The following IMPDH1 variants were observed in gnomAD, a reference collection of about 807,000 sequenced individuals.
The protein encoded by IMPDH1 is inosine-5'-monophosphate dehydrogenase 1.
A neutral mutation model predicts 73.5 loss-of-function variants in IMPDH1; 41 were observed. The observed-to-expected ratio is 0.56, with a 90% CI of 0.43 to 0.72. IMPDH1 has a LOEUF of 0.72. Among genes scored for constraint, IMPDH1 ranks in the 30% least tolerant of loss-of-function variants. The probability of loss-of-function intolerance (pLI) is 0.00; values close to 1 mark genes in which losing one functional copy is unlikely to be tolerated. For missense variants in IMPDH1, 645 were observed against 824.8 expected (o/e 0.78, Z 2.67); for synonymous variants, 318 against 334.3 (o/e 0.95, Z 0.53).
Position 128,400,995 on chromosome 7 carries a change from C to G in IMPDH1, c.504+20G>C, listed in dbSNP as rs538997339. The G allele has an allele frequency of 8.3e-5, 134 of 1,607,076 alleles. No individual in the cohort carries two copies. The highest frequency in any genetic ancestry group is 1.1e-4 in the Non-Finnish European group (131 of 1,173,642). On this transcript the variant is annotated intron_variant, in intron 6 of 16. Transcript: ENST00000338791. ...CAGTTCCTGTGTGCCCTGGAGTCCC[C>G]ATGCAGGTGTGTAACTCACAGCCAT... is the stretch of plus-strand genomic sequence containing the variant.
rs779325084 is a variant in IMPDH1 at position 128,400,318 on chromosome 7, C to T, written c.786+15G>A. ...CTCTCTACACCCAGCCCTGCTTCCC[C>T]TGCCCTGCAGGTACCTCACTGAGGA... On this transcript the variant is annotated intron_variant, in intron 8 of 16. Coordinates refer to ENST00000338791, the MANE Select transcript of IMPDH1 (RefSeq NM_000883.4). 6.8e-6 allele frequency: 11 copies of T among 1,612,790 alleles called. No individual in the cohort carries two copies. In the South Asian group the frequency reaches 1.1e-4, roughly 16 times the overall value.
intron 8 of IMPDH1, 43 bp downstream of exon 8, chr7:128,400,290 G>A: frequency 1.9e-6 from 3 of 1,606,496 alleles, no homozygotes; most frequent in Non-Finnish European, 2.6e-6. Flanking sequence ...CAGCGTGAGG[G>A]TCCTCTCTAC....
intron 1 of IMPDH1, 104 bp downstream of exon 1, chr7:128,409,651 TG>T: frequency 6.6e-7 from 1 of 1,505,048 alleles, no homozygotes; most frequent in Non-Finnish European, 9.0e-7. Context: ...GAAGGGTTTG[TG>T]GGGCCTGCCC....
chr7:128,401,069 C>T lies in IMPDH1; in HGVS notation c.450G>A (p.Leu150=), dbSNP rs1042247. 2.5e-6 allele frequency: 4 copies of T among 1,614,028 alleles called. No homozygotes were observed. In the Admixed American group the frequency reaches 6.7e-5, roughly 27 times the overall value. The stretch of plus-strand genomic sequence containing the variant: ...TCACAGTGTCCATGGGGGAGGAGAT[C>T]AGTGGCGTCTTCAGCGTGATCTTCC... The part of the protein sequence containing the change: ...LTRKITLKTP[L]ISSPMDTVTE... The change falls in exon 6 of 17, where the codon CTG becomes CTA. Residue 150 remains leucine (L), a synonymous_variant. Transcript: ENST00000338791.
In IMPDH1 at chr7:128,395,006, G is replaced by A. The variant is rs564132747; in HGVS notation, c.1433C>T (p.Thr478Ile). 1.9e-6 allele frequency: 3 copies of A among 1,613,954 alleles called. No homozygotes were observed. The highest frequency in any genetic ancestry group is 2.5e-6 in the Non-Finnish European group (3 of 1,180,044). The change falls in exon 14 of 17, where the codon ACT (threonine) becomes ATT (isoleucine). Residue 478 changes from threonine (T) to isoleucine (I), a missense_variant. Physicochemically the swap from Thr to Ile is moderately conservative, Grantham distance 89. Around this residue, in one of 2 missense-constraint regions of IMPDH1, gnomAD observed 459 missense variants for 638.2 expected, o/e 0.72. Coordinates refer to ENST00000338791, the MANE Select transcript of IMPDH1 (RefSeq NM_000883.4). ...GAAGTACTCGCCAGGGGCCTCCGTAGTGGCGGCCAGCAGGGAGCCCATCAT... is the reference window on the plus strand; with the variant it reads ...GAAGTACTCGCCAGGGGCCTCCGTAATGGCGGCCAGCAGGGAGCCCATCAT... ...TVMMGSLLAA[T>I]TEAPGEYFFS...
At chr7:128,404,853 T>C (rs1049507006) in intron 4 of IMPDH1, among the ~76,000 whole-genome samples, 3 of 152,190 alleles carry the variant, frequency 2.0e-5, no homozygotes, top group East Asian at 1.9e-4. Flanking sequence ...CTGGGCCTCA[T>C]AGCATTTTCT....
intron 9 of IMPDH1, among the ~76,000 whole-genome samples, chr7:128,399,509 TCTACTAAAAA>T (rs1798164354): frequency 6.8e-6 from 1 of 147,884 alleles, no homozygotes; most frequent in African/African-American, 2.5e-5. Context: ...AAACCCCATC[TCTACTAAAAA>T]TACAAAAAAA....
intron 9 of IMPDH1, among the ~76,000 whole-genome samples, chr7:128,399,258 C>T (rs1289868116): frequency 2.0e-5 from 3 of 151,158 alleles, no homozygotes; most frequent in Non-Finnish European, 2.9e-5. Context: ...CCCAACTACT[C>T]GGGAGGCTGA....
rs752457836 is a variant in IMPDH1 at position 128,400,155 on chromosome 7, C to T, written c.814G>A (p.Val272Met). Residue 272 changes from valine (V) to methionine (M), a missense_variant, in exon 9 of 17, where the codon GTG (valine) becomes ATG (methionine). Val to Met is a conservative substitution (Grantham distance 21, BLOSUM62 1). This residue lies in a region of IMPDH1 where 459 missense variants were observed against 638.2 expected (regional missense o/e 0.72). Coordinates refer to ENST00000338791, the MANE Select transcript of IMPDH1 (RefSeq NM_000883.4). ...EVMTPRIELV[V>M]APAGVTLKEA... is the part of the protein sequence containing the mutation. ...TTCAACGTCACACCTGCTGGAGCCA[C>T]CACCAGTTCAATCCTTGGCGTCATC... 21 of 1,614,002 alleles carry T rather than the reference C, an allele frequency of 1.3e-5. No homozygotes were observed. Among genetic ancestry groups the T allele is most frequent in the Non-Finnish European group, 1.7e-5 (20 of 1,180,046 alleles).
Position 128,396,780 on chromosome 7 carries a change from ACCC to A in IMPDH1, c.1166-88_1166-86del, listed in dbSNP as rs565650720. 1 of 1,243,888 alleles carries A rather than the reference ACCC, an allele frequency of 8.0e-7. No individual in the cohort carries two copies. Among genetic ancestry groups the A allele is most frequent in the East Asian group, 2.5e-5 (1 of 39,364 alleles). 77.1% of individuals were successfully genotyped at this position (1,243,888 alleles called of 1,614,324 possible). A position where few individuals can be genotyped will look rare whatever the true frequency, so the allele number is the denominator to read the frequency against. On this transcript the variant is annotated intron_variant, in intron 11 of 16. Coordinates refer to ENST00000338791, the MANE Select transcript of IMPDH1 (RefSeq NM_000883.4). The surrounding 1 kb of genome is among the most constrained non-coding windows in gnomAD (Gnocchi z 4.0). ...CAGCCTCTTGGGACCCCAGTCTAGC[ACCC>A]CCCAACCCCCCTACAGTGACCAAAG...
In IMPDH1 at chr7:128,394,759, T is replaced by TTAAG; in HGVS notation, c.1550+126_1550+129dup. 1 of 1,414,234 alleles carries TTAAG rather than the reference T, an allele frequency of 7.1e-7. No individual in the cohort carries two copies. The highest frequency in any genetic ancestry group is 1.7e-5 in the Admixed American group (1 of 57,446). The allele number at this position is 1,414,234 out of a possible 1,614,324, so 87.6% of individuals were successfully genotyped here. A position where few individuals can be genotyped will look rare whatever the true frequency, so the allele number is the denominator to read the frequency against. ...CAGGGACAGATCCTGGGTCTGCTACTTAAGCCCTGTGCCTCAGTTTCCAGA... is the reference window on the plus strand; with the variant it reads ...CAGGGACAGATCCTGGGTCTGCTACTTAAGTAAGCCCTGTGCCTCAGTTTCCAGA... On this transcript the variant is annotated intron_variant, in intron 14 of 16. Coordinates refer to ENST00000338791, the MANE Select transcript of IMPDH1 (RefSeq NM_000883.4). The surrounding 1 kb of genome is among the most constrained non-coding windows in gnomAD (Gnocchi z 5.5).
At chr7:128,401,174 C>T (rs1441834479) in intron 5 of IMPDH1, 58 bp from the exon 6 acceptor site, 2 of 1,318,528 alleles carry the variant, frequency 1.5e-6, no homozygotes, top group African/African-American at 2.9e-5. Context: ...CACTCACTCA[C>T]TGAGCTCCTA....
intron 16 of IMPDH1, among the ~76,000 whole-genome samples, 200 bp from the exon 17 acceptor site, chr7:128,393,228 A>C (rs1466311914): frequency 2.0e-5 from 3 of 152,212 alleles, no homozygotes; most frequent in Admixed American, 2.0e-4. Context: ...TCCCTGAAGA[A>C]CCATGCTGGG....
Position 128,396,540 on chromosome 7 carries a change from C to T in IMPDH1, c.1261+60G>A. 1 of 1,245,398 alleles carries T rather than the reference C, an allele frequency of 8.0e-7. No individual in the cohort carries two copies. Among genetic ancestry groups the T allele is most frequent in the East Asian group, 2.5e-5 (1 of 39,532 alleles). 77.1% of individuals were successfully genotyped at this position (1,245,398 alleles called of 1,614,324 possible). A position where few individuals can be genotyped will look rare whatever the true frequency, so the allele number is the denominator to read the frequency against. ...GGCAGAGAGAGTACTTGATATACAT[C>T]TGGGGAACAAAGGCGAGGCCCCGGG... On this transcript the variant is annotated intron_variant, in intron 12 of 16. Coordinates refer to ENST00000338791, the MANE Select transcript of IMPDH1 (RefSeq NM_000883.4). This position sits in a 1 kb window ranked among gnomAD's most constrained non-coding sequence, Gnocchi z 4.0.
chr7:128,401,495 T>G (rs1798333134), intron 5 of IMPDH1, among the ~76,000 whole-genome samples: 1 of 151,932 alleles, frequency 6.6e-6, no homozygotes, highest in Non-Finnish European at 1.5e-5. Flanking sequence ...AGGGTCCAGT[T>G]CTTTCGGAGG....
In IMPDH1 at chr7:128,409,696, C is replaced by A. The variant is rs1799011216; in HGVS notation, c.146+60G>T. ...CAGCGTCGCCGGGTTCCCGGAGCCG[C>A]CGCGCCCTCCTCGGCCGCCCGCCCC... is the stretch of plus-strand genomic sequence containing the variant. On this transcript the variant is annotated intron_variant, in intron 1 of 16. Transcript: ENST00000338791. 6.6e-6 allele frequency: 10 copies of A among 1,523,922 alleles called. No individual in the cohort carries two copies. In the South Asian group the frequency reaches 9.6e-5, roughly 15 times the overall value. 94.4% of individuals were successfully genotyped at this position (1,523,922 alleles called of 1,614,324 possible). A position where few individuals can be genotyped will look rare whatever the true frequency, so the allele number is the denominator to read the frequency against.
chr7:128,396,844 T>C lies in IMPDH1; in HGVS notation c.1165+88A>G, dbSNP rs1340033499. The C allele has an allele frequency of 8.4e-6, 10 of 1,192,280 alleles. No homozygotes were observed. The highest frequency in any genetic ancestry group is 1.2e-5 in the Non-Finnish European group (10 of 803,418). The allele number at this position is 1,192,280 out of a possible 1,614,324, so 73.9% of individuals were successfully genotyped here. ...TCCCTGCCACCCATGCCAGGAGCCA[T>C]ACCATCACCTAGGGATGCTGAAGGA... On this transcript the variant is annotated intron_variant, in intron 11 of 16. Transcript: ENST00000338791. The surrounding 1 kb of genome is among the most constrained non-coding windows in gnomAD (Gnocchi z 4.0).
intron 3 of IMPDH1, among the ~76,000 whole-genome samples, chr7:128,408,401 A>G (rs1173807667): frequency 6.6e-6 from 1 of 152,148 alleles, no homozygotes; most frequent in Non-Finnish European, 1.5e-5. Context: ...CAAGCCAGAG[A>G]GCAATAACAC....
intron 3 of IMPDH1, among the ~76,000 whole-genome samples, chr7:128,406,572 T>C (rs1336448891): frequency 6.6e-6 from 1 of 151,960 alleles, no homozygotes; most frequent in Non-Finnish European, 1.5e-5. Context: ...TTGGGTGGCC[T>C]TGGGGCCCTC....
Sources: gnomAD v4.1 joint callset for allele counts (sites outside exome capture counted in the v4.1 genomes callset) on GRCh38, gnomAD v4.1.1 for gene constraint, gnomAD v4.1.1 regional missense constraint, Gnocchi (gnomAD v3.1) non-coding constraint, MANE v1.5 for transcripts, NCBI Gene and HGNC (gene_info 2026-07-23, HGNC 2026-07-21) for gene names.